NCAPG: variants seen among roughly 807,000 people sequenced by gnomAD.
NCAPG encodes condensin complex subunit 3.
Under a neutral mutation model 113.1 loss-of-function variants are expected in NCAPG, and 69 were observed. The ratio of observed to expected loss-of-function variants is 0.61; its 90% CI spans 0.50 to 0.75. The LOEUF is 0.75. Among genes scored for constraint, NCAPG ranks in the 30% least tolerant of loss-of-function variants. NCAPG has a pLI of 0.00. For synonymous variants in NCAPG, 370 were observed against 415.8 expected, an observed-to-expected ratio of 0.89 and a Z score of 1.34; for missense variants, 1,058 against 1,177.0, an observed-to-expected ratio of 0.90 and a Z score of 1.48.
In NCAPG at chr4:17,812,330, A is replaced by G; in HGVS notation, c.221A>G (p.Lys74Arg). 1 of 1,613,828 alleles carries G rather than the reference A, an allele frequency of 6.2e-7. No individual in the cohort carries two copies. The highest frequency in any genetic ancestry group is 8.5e-7 in the Non-Finnish European group (1 of 1,179,866). Residue 74 changes from lysine (K) to arginine (R), a missense_variant, in exon 2 of 21, where the codon AAG (lysine) becomes AGG (arginine). By Grantham distance (26) the Lys-to-Arg change is conservative. Coordinates refer to ENST00000251496, the MANE Select transcript of NCAPG (RefSeq NM_022346.5). ...AVERVIEFAA[K>R]FVTSFHQSDM... is the part of the protein sequence containing the mutation. ...GAGAGGGTAATAGAATTTGCAGCAA[A>G]GTTTGTTACCTCATTTCACCAATCA...
intron 8 of NCAPG, among the ~76,000 whole-genome samples, chr4:17,823,405 A>G (rs1721536254): frequency 6.6e-6 from 1 of 152,000 alleles, no homozygotes; most frequent in African/African-American, 2.4e-5. Flanking sequence ...CATTTCTGGT[A>G]TTTTGTCATT....
intron 16 of NCAPG, among the ~76,000 whole-genome samples, chr4:17,838,937 C>T (rs1448986242): frequency 1.3e-5 from 2 of 152,056 alleles, no homozygotes; most frequent in South Asian, 2.1e-4. Context: ...CTGTATAATT[C>T]GCTTGTAGAA....
chr4:17,825,873 G>C (rs905938414), intron 11 of NCAPG, among the ~76,000 whole-genome samples: 2 of 151,898 alleles, frequency 1.3e-5, no homozygotes, highest in Admixed American at 1.3e-4. Context: ...TTTTTGTCTT[G>C]AATGGTTTAA....
intron 6 of NCAPG, 89 bp downstream of exon 6, chr4:17,817,542 A>C (rs1392988604): frequency 1.0e-6 from 1 of 991,756 alleles, no homozygotes; most frequent in African/African-American, 1.6e-5. Context: ...TTAAGATTAT[A>C]TTAATACCTT....
In NCAPG at chr4:17,828,280, T is replaced by G. The variant is rs975598096; in HGVS notation, c.1656T>G (p.Asn552Lys). The G allele has an allele frequency of 6.9e-6, 11 of 1,599,952 alleles. No homozygotes were observed. The highest frequency in any genetic ancestry group is 9.4e-6 in the Non-Finnish European group (11 of 1,172,990). ...TGAATATTTTGTCTTCATTTTAGAA[T>G]GATGCTGAAACATTGCAGAAATGTC... ...LEIKEVHIEK[N>K]DAETLQKCLI... The change falls in exon 12 of 21, where the codon AAT becomes AAG. Residue 552 changes from asparagine (N) to lysine (K), a missense_variant and splice_region_variant. By Grantham distance (94) the Asn-to-Lys change is moderately conservative (BLOSUM62 0). Coordinates refer to ENST00000251496, the MANE Select transcript of NCAPG (RefSeq NM_022346.5).
intron 3 of NCAPG, 105 bp from the exon 4 acceptor site, chr4:17,814,748 T>G: frequency 3.1e-6 from 4 of 1,287,424 alleles, no homozygotes; most frequent in Non-Finnish European, 4.3e-6. Context: ...CCAGCCTATC[T>G]TTATCACATT....
chr4:17,840,679 TA>T lies in NCAPG; in HGVS notation c.2843del (p.Lys948ArgfsTer9), dbSNP rs527561771. 7 of 1,549,302 alleles carry T rather than the reference TA, an allele frequency of 4.5e-6. No homozygotes were observed. The African/African-American group carries it at 9.7e-5, about 22-fold the overall frequency. ...ACCCAAGCATCAAAGTCTACTCAGC[TA>T]AAGACTAACAGAGGTAGTGTGTGGA... ...KATQASKSTQ[L>X]KTNRGQRKVT... On this transcript the variant is annotated frameshift_variant, in exon 19 of 21. Transcript: ENST00000251496. LOFTEE classifies it high-confidence loss of function.
intron 12 of NCAPG, 73 bp downstream of exon 12, chr4:17,828,461 A>T: frequency 1.3e-6 from 1 of 767,702 alleles, no homozygotes; most frequent in South Asian, 1.9e-5. Context: ...GTTCTTTAGA[A>T]ATCAAAATAA....
At chr4:17,819,885 A>C (rs917035073) in intron 7 of NCAPG, among the ~76,000 whole-genome samples, 5 of 152,216 alleles carry the variant, frequency 3.3e-5, no homozygotes, top group Admixed American at 6.5e-5. Flanking sequence ...AATGTGAGCC[A>C]GTAGGGAAAC....
intron 7 of NCAPG, among the ~76,000 whole-genome samples, chr4:17,819,925 A>C (rs1370927656): frequency 6.6e-6 from 1 of 152,214 alleles, no homozygotes; most frequent in Non-Finnish European, 1.5e-5. Flanking sequence ...AACATCATGA[A>C]GAACCTGTGT....
In NCAPG at chr4:17,811,131, G is replaced by T. The variant is rs201387232; in HGVS notation, c.54G>T (p.Gln18His). 16 of 1,520,890 alleles carry T rather than the reference G, an allele frequency of 1.1e-5. No homozygotes were observed. The highest frequency in any genetic ancestry group is 2.1e-5 in the Admixed American group (1 of 48,114). The allele number at this position is 1,520,890 out of a possible 1,614,324, so 94.2% of individuals were successfully genotyped here. A position where few individuals can be genotyped will look rare whatever the true frequency, so the allele number is the denominator to read the frequency against. ...LSIKEAFRLA[Q>H]QPHQNQAKLV... ...TTAAGGAGGCCTTTCGGCTGGCGCA[G>T]CAGCCGCACCAGAACCAGGCGAAGC... Residue 18 changes from glutamine (Q) to histidine (H), a missense_variant, in exon 1 of 21, where the codon CAG (glutamine) becomes CAT (histidine). Gln to His is a conservative substitution (Grantham distance 24, BLOSUM62 0). Coordinates refer to ENST00000251496, the MANE Select transcript of NCAPG (RefSeq NM_022346.5). The surrounding 1 kb of genome is among the most constrained non-coding windows in gnomAD (Gnocchi z 5.3).
Position 17,818,061 on chromosome 4 carries a change from C to T in NCAPG, c.1091C>T (p.Pro364Leu), listed in dbSNP as rs764421049. Residue 364 changes from proline (P) to leucine (L), a missense_variant, in exon 7 of 21, where the codon CCT becomes CTT. By Grantham distance (98) the Pro-to-Leu change is moderately conservative. Transcript: ENST00000251496. ...TTTTTAGAGCAGATTTTGCCAGAGC[C>T]TGTAGTATATGCAGACTATTTATTG... ...EEFLEQILPEPVVYADYLLSY... is the reference protein window; with the variant it reads ...EEFLEQILPELVVYADYLLSY... The T allele has an allele frequency of 1.2e-6, 2 of 1,612,440 alleles. No individual in the cohort carries two copies. The highest frequency in any genetic ancestry group is 1.7e-6 in the Non-Finnish European group (2 of 1,179,422).
rs1722000893 is a variant in NCAPG at position 17,834,447 on chromosome 4, A to C, written c.2033A>C (p.Gln678Pro). The C allele has an allele frequency of 6.2e-7, 1 of 1,611,242 alleles. No individual in the cohort carries two copies. Among genetic ancestry groups the C allele is most frequent in the Admixed American group, 1.7e-5 (1 of 59,690 alleles). ...EGTEINSDDE[Q>P]ESKEVEETAT... is the part of the protein sequence containing the mutation. ...ACAGAAATAAACAGTGATGATGAGC[A>C]AGAATCAAAAGAAGTTGAAGAGACT... The change falls in exon 14 of 21, where the codon CAA becomes CCA. Residue 678 changes from glutamine (Q) to proline (P), a missense_variant. Transcript: ENST00000251496.
At chr4:17,834,765 T>A (rs1722025575) in intron 14 of NCAPG, among the ~76,000 whole-genome samples, 1 of 152,148 alleles carries the variant, frequency 6.6e-6, no homozygotes, top group African/African-American at 2.4e-5. Flanking sequence ...GGTCCCAGTG[T>A]GTGATGTTCC....
At chr4:17,828,881 A>G (rs1417774826) in intron 12 of NCAPG, among the ~76,000 whole-genome samples, 1 of 151,836 alleles carries the variant, frequency 6.6e-6, no homozygotes, top group Non-Finnish European at 1.5e-5. Flanking sequence ...AGTGCAAACC[A>G]TATGTAACTT....
In NCAPG at chr4:17,811,088, A is replaced by T; in HGVS notation, c.11A>T (p.Glu4Val). The change falls in exon 1 of 21, where the codon GAA becomes GTA. Residue 4 changes from glutamate to valine, a missense_variant. Transcript: ENST00000251496. This position sits in a 1 kb window ranked among gnomAD's most constrained non-coding sequence, Gnocchi z 5.3. Reference protein sequence around the residue: MGAERRLLSIKEAF... With the variant: MGAVRRLLSIKEAF... ...CAGGGTTCCAGAGCCATGGGAGCGG[A>T]AAGGAGGCTGCTGTCGATTAAGGAG... 6.6e-7 allele frequency: 1 copy of T among 1,520,750 alleles called. No homozygotes were observed. The highest frequency in any genetic ancestry group is 8.8e-7 in the Non-Finnish European group (1 of 1,133,130). The allele number at this position is 1,520,750 out of a possible 1,614,324, so 94.2% of individuals were successfully genotyped here.
At chr4:17,829,236 A>T (rs1353307727) in intron 12 of NCAPG, among the ~76,000 whole-genome samples, 1 of 152,172 alleles carries the variant, frequency 6.6e-6, no homozygotes, top group Non-Finnish European at 1.5e-5. Context: ...CAAATTCTGT[A>T]TGTAGCCAGG....
At chr4:17,818,437 C>T (rs1333506499) in intron 7 of NCAPG, among the ~76,000 whole-genome samples, 1 of 152,198 alleles carries the variant, frequency 6.6e-6, no homozygotes, top group Non-Finnish European at 1.5e-5. Flanking sequence ...GCCATACCGT[C>T]TGTCACAATG....
chr4:17,824,670 T>G (rs1227283613), intron 9 of NCAPG, among the ~76,000 whole-genome samples: 1 of 152,140 alleles, frequency 6.6e-6, no homozygotes, highest in Non-Finnish European at 1.5e-5. Context: ...GTGTCTCATC[T>G]TAAGCACCAT....
Sources: allele counts gnomAD v4.1 joint callset (sites outside exome capture counted in the v4.1 genomes callset), GRCh38; gene constraint gnomAD v4.1.1; non-coding constraint Gnocchi (gnomAD v3.1); transcripts MANE v1.5; gene names NCBI Gene and HGNC (gene_info 2026-07-23, HGNC 2026-07-21).